The following SLC27A3 variants were observed in gnomAD, a reference collection of about 807,000 sequenced individuals.
SLC27A3 encodes the protein solute carrier family 27 member 3.
SLC27A3 carries 60 observed loss-of-function variants against 60.1 expected under a neutral mutation model. The observed-to-expected ratio is 1.00, with a 90% CI of 0.81 to 1.24. The LOEUF is 1.24. Ranked by LOEUF, SLC27A3 falls within the 50% of genes most tolerant of loss-of-function variation. The pLI, the probability that SLC27A3 is intolerant of heterozygous loss-of-function variation, is 0.00. For synonymous variants in SLC27A3, 455 were observed against 409.0 expected, an observed-to-expected ratio of 1.11 and a Z score of -1.36; for missense variants, 1,079 against 929.9, an observed-to-expected ratio of 1.16 and a Z score of -2.09.
intron 9 of SLC27A3, 47 bp downstream of exon 9, chr1:153,779,520 C>A (rs1477964501): frequency 1.3e-6 from 2 of 1,586,440 alleles, no homozygotes; most frequent in East Asian, 2.2e-5. Flanking sequence ...TATATCCTCA[C>A]CCCACATATC....
In SLC27A3 at chr1:153,779,817, T is replaced by C. The variant is rs772358867; in HGVS notation, c.1876-9T>C. The C allele has an allele frequency of 6.2e-7, 1 of 1,612,262 alleles. No individual in the cohort carries two copies. The highest frequency in any genetic ancestry group is 8.5e-7 in the Non-Finnish European group (1 of 1,178,956). ...CTTCCCTCCAAATCCCTGACCCTCC[T>C]GTCCCCAGGAGTCTTTGGCCACCAC... is the stretch of plus-strand genomic sequence containing the variant. On this transcript the variant is annotated splice_polypyrimidine_tract_variant and intron_variant, in intron 9 of 9. Coordinates refer to ENST00000624995, the MANE Select transcript of SLC27A3 (RefSeq NM_024330.4).
Position 153,778,362 on chromosome 1 carries a change from G to A in SLC27A3, c.1356+7G>A. 1 of 1,613,900 alleles carries A rather than the reference G, an allele frequency of 6.2e-7. No individual in the cohort carries two copies. The highest frequency in any genetic ancestry group is 1.1e-5 in the South Asian group (1 of 91,078). ...TGCTTCCTGGCTTTACAAGGTGAGG[G>A]GCAGAGAGGAAACTGAAAACCCGTG... On this transcript the variant is annotated splice_region_variant and intron_variant, in intron 5 of 9. Transcript: ENST00000624995.
chr1:153,778,404 G>T (rs1673347556), intron 5 of SLC27A3, 49 bp downstream of exon 5: 1 of 1,613,618 alleles, frequency 6.2e-7, no homozygotes, highest in Non-Finnish European at 8.5e-7. Context: ...CAGAGGGCTG[G>T]CAGGAGAGGG....
Position 153,779,422 on chromosome 1 carries a change from C to T in SLC27A3, c.1824C>T (p.His608=), listed in dbSNP as rs757753500. The T allele has an allele frequency of 3.1e-5, 50 of 1,613,928 alleles. No homozygotes were observed. Among genetic ancestry groups the T allele is most frequent in the Non-Finnish European group, 3.9e-5 (46 of 1,180,004 alleles). ...HALDLMQLYT[H]VSENLPPYAR... ...TGGACCTTATGCAGCTCTACACCCA[C>T]GTGTCTGAGAACTTGCCACCTTATG... is the stretch of plus-strand genomic sequence containing the variant. The change falls in exon 9 of 10, where the codon CAC becomes CAT. Residue 608 remains histidine, a synonymous_variant. Transcript: ENST00000624995.
At position 153,780,088 on chromosome 1, in the gene SLC27A3, T is replaced by C. The variant is rs901406344; in HGVS notation, c.*86T>C. 118 of 1,243,792 alleles carry C rather than the reference T, an allele frequency of 9.5e-5. No homozygotes were observed. The highest frequency in any genetic ancestry group is 1.3e-4 in the Non-Finnish European group (112 of 894,130). The allele number at this position is 1,243,792 out of a possible 1,614,324, so 77.0% of individuals were successfully genotyped here. A position where few individuals can be genotyped will look rare whatever the true frequency, so the allele number is the denominator to read the frequency against. On this transcript the variant is annotated 3_prime_UTR_variant, in exon 10 of 10. Transcript: ENST00000624995. ...GTACTGGGCTGTCAGGGATCTTTTC[T>C]ATACCAGAACTGCGGTCACTATTTT... is the stretch of plus-strand genomic sequence containing the variant.
At position 153,776,184 on chromosome 1, in the gene SLC27A3, C is replaced by G. The variant is rs1184175775; in HGVS notation, c.667+20C>G. 1 of 1,408,536 alleles carries G rather than the reference C, an allele frequency of 7.1e-7. No individual in the cohort carries two copies. Among genetic ancestry groups the G allele is most frequent in the African/African-American group, 1.5e-5 (1 of 67,596 alleles). 87.3% of individuals were successfully genotyped at this position (1,408,536 alleles called of 1,614,324 possible). ...CGCCAGGTAAGGCTGGAGCTCCGAA[C>G]TGACTAAGGCGGGGCCAGCCACAGA... On this transcript the variant is annotated intron_variant, in intron 1 of 9. Transcript: ENST00000624995.
In SLC27A3 at chr1:153,778,512, C is replaced by T. The variant is rs1254375263; in HGVS notation, c.1406C>T (p.Pro469Leu). ...CGCTATGATGTCACCACAGGAGAGC[C>T]AATTCGGGACCCCCAGGGGCACTGT... ...LIRYDVTTGE[P>L]IRDPQGHCMA... Residue 469 changes from proline to leucine, a missense_variant, in exon 6 of 10, where the codon CCA becomes CTA. Physicochemically the swap from Pro to Leu is moderately conservative, Grantham distance 98. Coordinates refer to ENST00000624995, the MANE Select transcript of SLC27A3 (RefSeq NM_024330.4). The T allele has an allele frequency of 6.2e-7, 1 of 1,614,146 alleles. No individual in the cohort carries two copies. Among genetic ancestry groups the T allele is most frequent in the Non-Finnish European group, 8.5e-7 (1 of 1,180,038 alleles).
At position 153,779,995 on chromosome 1, in the gene SLC27A3, G is replaced by C. The variant is rs201820055; in HGVS notation, c.2045G>C (p.Arg682Pro). The C allele has an allele frequency of 6.2e-7, 1 of 1,611,326 alleles. No individual in the cohort carries two copies. The highest frequency in any genetic ancestry group is 8.5e-7 in the Non-Finnish European group (1 of 1,178,684). ...AGCGCCCTCCTGGCAGGAAACCTTC[G>C]AATCTGAGAACTTCCACACCTGAGG... is the stretch of plus-strand genomic sequence containing the variant. ...RYSALLAGNL[R>P]I Residue 682 changes from arginine (R) to proline (P), a missense_variant, in exon 10 of 10, where the codon CGA becomes CCA. Transcript: ENST00000624995.
chr1:153,776,505 C>T lies in SLC27A3; in HGVS notation c.668-13C>T, dbSNP rs542606492. 16 of 1,610,400 alleles carry T rather than the reference C, an allele frequency of 9.9e-6. No individual in the cohort carries two copies. In the South Asian group the frequency reaches 1.5e-4, roughly 15 times the overall value. ...AGCCAGGGCCCCGGCGTTGTGCTTTCCCACCCTTCTAGAGTTTCTGGAGTC... is the reference window on the plus strand; with the variant it reads ...AGCCAGGGCCCCGGCGTTGTGCTTTTCCACCCTTCTAGAGTTTCTGGAGTC... On this transcript the variant is annotated splice_polypyrimidine_tract_variant and intron_variant, in intron 1 of 9. Transcript: ENST00000624995.
chr1:153,776,030 CAG>C lies in SLC27A3; in HGVS notation c.536_537del (p.Glu179ValfsTer76). On this transcript the variant is annotated frameshift_variant, in exon 1 of 10. Transcript: ENST00000624995. LOFTEE classifies it high-confidence loss of function. ...GTGGCGCTGCTCCTCCCCGCTGGCCCAGAGTTTCTGTGGCTCTGGTTCGGGCT... is the reference window on the plus strand; with the variant it reads ...GTGGCGCTGCTCCTCCCCGCTGGCCCAGTTTCTGTGGCTCTGGTTCGGGCT... 6.9e-7 allele frequency: 1 copy of C among 1,455,148 alleles called. No individual in the cohort carries two copies. Among genetic ancestry groups the C allele is most frequent in the Non-Finnish European group, 9.0e-7 (1 of 1,111,348 alleles). 90.1% of individuals were successfully genotyped at this position (1,455,148 alleles called of 1,614,324 possible).
Position 153,777,123 on chromosome 1 carries a change from G to GC in SLC27A3, c.940dup (p.Leu314ProfsTer82). On this transcript the variant is annotated frameshift_variant, in exon 3 of 10. Coordinates refer to ENST00000624995, the MANE Select transcript of SLC27A3 (RefSeq NM_024330.4). LOFTEE classifies it high-confidence loss of function. The stretch of plus-strand genomic sequence containing the variant: ...TCCTGCAATGCCAGGGCTTCTATCA[G>GC]CTGTGTGGTGTCCACCAGGAAGATG... 6.2e-7 allele frequency: 1 copy of GC among 1,614,250 alleles called. No homozygotes were observed. The highest frequency in any genetic ancestry group is 8.5e-7 in the Non-Finnish European group (1 of 1,180,044).
At chr1:153,777,631 T>C (rs1673296566) in intron 3 of SLC27A3, 130 bp from the exon 4 acceptor site, 1 of 1,193,436 alleles carries the variant, frequency 8.4e-7, no homozygotes, top group East Asian at 2.4e-5. Context: ...TTCCTGACGG[T>C]GTGACTCCCA....
rs749428513 is a variant in SLC27A3, at chr1:153,779,868, C to A, written c.1918C>A (p.Arg640=). The change falls in exon 10 of 10, where the codon CGG becomes AGG. Residue 640 remains arginine, a synonymous_variant. Transcript: ENST00000624995. ...AGAGACCTTCAAACAGCAGAAAGTT[C>A]GGATGGCAAATGAGGGCTTCGACCC... ...TTETFKQQKV[R]MANEGFDPST... is the part of the protein sequence containing the mutation. 6.2e-7 allele frequency: 1 copy of A among 1,614,100 alleles called. No homozygotes were observed. Among genetic ancestry groups the A allele is most frequent in the Non-Finnish European group, 8.5e-7 (1 of 1,180,014 alleles).
Position 153,775,746 on chromosome 1 carries a change from T to C in SLC27A3, c.249T>C (p.Phe83=). The C allele has an allele frequency of 2.0e-6, 3 of 1,513,394 alleles. No homozygotes were observed. The highest frequency in any genetic ancestry group is 2.6e-6 in the Non-Finnish European group (3 of 1,134,928). The allele number at this position is 1,513,394 out of a possible 1,614,324, so 93.7% of individuals were successfully genotyped here. A position where few individuals can be genotyped will look rare whatever the true frequency, so the allele number is the denominator to read the frequency against. ...CCCAGCAGCGCGCCGCGCACACCTT[T>C]CTCATTCACGGCTCGCGGCGCTTTA... is the stretch of plus-strand genomic sequence containing the variant. ...ELAQQRAAHT[F]LIHGSRRFSY... is the part of the protein sequence containing the mutation. The change falls in exon 1 of 10, where the codon TTT becomes TTC. Residue 83 remains phenylalanine (F), a synonymous_variant. Coordinates refer to ENST00000624995, the MANE Select transcript of SLC27A3 (RefSeq NM_024330.4).
chr1:153,778,361 G>A lies in SLC27A3; in HGVS notation c.1356+6G>A. 1 of 1,613,838 alleles carries A rather than the reference G, an allele frequency of 6.2e-7. No individual in the cohort carries two copies. Among genetic ancestry groups the A allele is most frequent in the Middle Eastern group, 1.6e-4 (1 of 6,062 alleles). ...GTGCTTCCTGGCTTTACAAGGTGAG[G>A]GGCAGAGAGGAAACTGAAAACCCGT... On this transcript the variant is annotated splice_donor_region_variant and intron_variant, in intron 5 of 9. Coordinates refer to ENST00000624995, the MANE Select transcript of SLC27A3 (RefSeq NM_024330.4).
Position 153,777,804 on chromosome 1 carries a change from C to G in SLC27A3, c.1080C>G (p.Phe360Leu). Reference sequence around the variant, plus strand: ...AATCCAAGTTCTCGGCTGGTCAGTTCTGGGAAGATTGCCAGCAGCACAGGG... The same window carrying G: ...AATCCAAGTTCTCGGCTGGTCAGTTGTGGGAAGATTGCCAGCAGCACAGGG... ...VLKSKFSAGQ[F>L]WEDCQQHRVT... Residue 360 changes from phenylalanine to leucine, a missense_variant, in exon 4 of 10, where the codon TTC (phenylalanine) becomes TTG (leucine). Coordinates refer to ENST00000624995, the MANE Select transcript of SLC27A3 (RefSeq NM_024330.4). The G allele has an allele frequency of 1.2e-6, 2 of 1,614,228 alleles. No homozygotes were observed. The highest frequency in any genetic ancestry group is 1.7e-6 in the Non-Finnish European group (2 of 1,180,032).
Position 153,776,137 on chromosome 1 carries a change from G to A in SLC27A3, c.640G>A (p.Gly214Ser), listed in dbSNP as rs1673209501. Residue 214 changes from glycine (G) to serine (S), a missense_variant, in exon 1 of 10, where the codon GGC becomes AGC. Transcript: ENST00000624995. Reference protein sequence around the residue: ...GPLLHCLRSCGARALVLAPEF... With the variant: ...GPLLHCLRSCSARALVLAPEF... ...CCTGCTGCACTGCCTCCGCAGCTGC[G>A]GCGCGCGCGCGCTGGTGCTGGCGCC... The A allele has an allele frequency of 2.8e-6, 4 of 1,433,810 alleles. No individual in the cohort carries two copies. Among genetic ancestry groups the A allele is most frequent in the Non-Finnish European group, 3.6e-6 (4 of 1,106,510 alleles). 88.8% of individuals were successfully genotyped at this position (1,433,810 alleles called of 1,614,324 possible).
At position 153,777,174 on chromosome 1, in the gene SLC27A3, C is replaced by T; in HGVS notation, c.990C>T (p.Tyr330=). The T allele has an allele frequency of 2.5e-6, 4 of 1,614,278 alleles. No homozygotes were observed. The highest frequency in any genetic ancestry group is 3.4e-6 in the Non-Finnish European group (4 of 1,180,042). ...TGATCTACCTCGCCCTCCCACTCTA[C>T]CACATGTCCGGTTCCCTGCTGGGCA... ...EDVIYLALPL[Y]HMSGSLLGIV... Residue 330 remains tyrosine, a synonymous_variant, in exon 3 of 10, where the codon TAC becomes TAT. Coordinates refer to ENST00000624995, the MANE Select transcript of SLC27A3 (RefSeq NM_024330.4).
rs750891790 is a variant in SLC27A3 at position 153,776,619 on chromosome 1, TTGCTGGCTGAAGTGTC to T, written c.770_785del (p.Leu257SerfsTer18). 2.5e-6 allele frequency: 4 copies of T among 1,614,188 alleles called. No individual in the cohort carries two copies. The South Asian group carries it at 4.4e-5, about 18-fold the overall frequency. The stretch of plus-strand genomic sequence containing the variant: ...AACCCACCCTGCTGGAATTAGCGAT[TTGCTGGCTGAAGTGTC>T]CGCTGAAGTGGATGGGCCAGTGCCA... On this transcript the variant is annotated frameshift_variant, in exon 2 of 10. Coordinates refer to ENST00000624995, the MANE Select transcript of SLC27A3 (RefSeq NM_024330.4). LOFTEE classifies it high-confidence loss of function.
Sources: gnomAD v4.1 joint callset for allele counts on GRCh38, gnomAD v4.1.1 for gene constraint, MANE v1.5 for transcripts, NCBI Gene and HGNC (gene_info 2026-07-23, HGNC 2026-07-21) for gene names.